The following TRAM1 variants were observed in gnomAD, a reference collection of about 807,000 sequenced individuals.
TRAM1 encodes translocation associated membrane protein 1.
In TRAM1, 17 loss-of-function variants were observed where a neutral mutation model predicts 48.7. The observed-to-expected ratio is 0.35, with a 90% CI of 0.24 to 0.52. The LOEUF (loss-of-function observed/expected upper bound fraction) is 0.52. Among genes scored for constraint, TRAM1 ranks in the 20% least tolerant of loss-of-function variants. TRAM1 has a pLI of 0.94. For synonymous variants in TRAM1, 182 were observed against 154.0 expected (o/e 1.18, Z -1.34); for missense variants, 351 against 441.5 (o/e 0.79, Z 1.84).
chr8:70,580,919 A>C (rs1026811823), intron 10 of TRAM1, among the ~76,000 whole-genome samples: 1 of 152,242 alleles, frequency 6.6e-6, no homozygotes, highest in African/African-American at 2.4e-5. Context: ...AAATAGGATT[A>C]AATTTAATGA....
chr8:70,599,907 G>T, intron 2 of TRAM1, 112 bp downstream of exon 2: 1 of 780,232 alleles, frequency 1.3e-6, no homozygotes, highest in Non-Finnish European at 2.2e-6. Context: ...GTCACATCAT[G>T]GATGAGATCT....
chr8:70,576,360 G>A (rs527597751), intron 10 of TRAM1, among the ~76,000 whole-genome samples: 2 of 152,258 alleles, frequency 1.3e-5, no homozygotes, highest in East Asian at 3.9e-4. Flanking sequence ...TTGACTGATG[G>A]AAGGAAAGAT....
At chr8:70,606,411 G>A (rs1483510630) in intron 1 of TRAM1, among the ~76,000 whole-genome samples, 1 of 152,170 alleles carries the variant, frequency 6.6e-6, no homozygotes, top group South Asian at 2.1e-4. Context: ...GCCTAGGCTG[G>A]TCTCGAACTC....
Position 70,574,670 on chromosome 8 carries a change from C to T in TRAM1, c.*262G>A, listed in dbSNP as rs2132019448. 1 of 281,528 alleles carries T rather than the reference C, an allele frequency of 3.6e-6. No individual in the cohort carries two copies. Among genetic ancestry groups the T allele is most frequent in the East Asian group, 8.6e-5 (1 of 11,692 alleles). 17.4% of individuals were successfully genotyped at this position (281,528 alleles called of 1,614,324 possible). A position where few individuals can be genotyped will look rare whatever the true frequency, so the allele number is the denominator to read the frequency against. On this transcript the variant is annotated 3_prime_UTR_variant, in exon 11 of 11. Coordinates refer to ENST00000262213, the MANE Select transcript of TRAM1 (RefSeq NM_014294.6). Reference sequence around the variant, plus strand: ...CTCTCCAAATCATTAGAAAAATGTTCAAAAATAAAAACAAAATAAAATATG... The same window carrying T: ...CTCTCCAAATCATTAGAAAAATGTTTAAAAATAAAAACAAAATAAAATATG...
intron 1 of TRAM1, among the ~76,000 whole-genome samples, chr8:70,600,904 CAG>C (rs931458160): frequency 5.3e-5 from 8 of 152,102 alleles, no homozygotes; most frequent in African/African-American, 1.9e-4. Flanking sequence ...ATAGAAGAAA[CAG>C]AGCGTGGCAA....
At chr8:70,607,773 A>C in intron 1 of TRAM1, 1 of 205,440 alleles carries the variant, frequency 4.9e-6, no homozygotes. Flanking sequence ...GGAACCAGGA[A>C]CTGCGCCGCG....
rs1049289251 is a variant in TRAM1, at chr8:70,602,463, G to A, written c.124-2381C>T. ...GACAGGGAACAAAATTGTAAGGACT[G>A]AGTATTGCACTCTTGAACAACTTTT... is the stretch of plus-strand genomic sequence containing the variant. On this transcript the variant is annotated intron_variant, in intron 1 of 10. Coordinates refer to ENST00000262213, the MANE Select transcript of TRAM1 (RefSeq NM_014294.6). Among the ~76,000 whole-genome samples, 6 of 152,188 alleles carry A rather than the reference G, an allele frequency of 3.9e-5. No individual in the cohort carries two copies. In the South Asian group the frequency reaches 1.2e-3, roughly 32 times the overall value.
intron 6 of TRAM1, among the ~76,000 whole-genome samples, chr8:70,593,597 A>C (rs78457621): frequency 3.5e-5 from 2 of 57,296 alleles, no homozygotes; most frequent in African/African-American, 5.5e-5. Context: ...TATGAGAATT[A>C]AAAAAAAAAA....
intron 6 of TRAM1, among the ~76,000 whole-genome samples, chr8:70,593,117 G>A (rs1326213907): frequency 6.6e-6 from 1 of 152,002 alleles, no homozygotes; most frequent in Admixed American, 6.6e-5. Flanking sequence ...CAATATAGCT[G>A]GAGAAACAAT....
intron 5 of TRAM1, 130 bp downstream of exon 5, chr8:70,596,133 G>C: frequency 1.6e-6 from 1 of 627,594 alleles, no homozygotes; most frequent in Non-Finnish European, 2.5e-6. Flanking sequence ...CAGTGGGACT[G>C]TCAAAGACAT....
chr8:70,584,255 C>T (rs1216633162), intron 8 of TRAM1, among the ~76,000 whole-genome samples: 1 of 152,000 alleles, frequency 6.6e-6, no homozygotes, highest in African/African-American at 2.4e-5. Context: ...ATTAATATTC[C>T]TCAGAACTAC....
chr8:70,576,283 G>T (rs1816951681), intron 10 of TRAM1, among the ~76,000 whole-genome samples: 1 of 151,942 alleles, frequency 6.6e-6, no homozygotes. Flanking sequence ...GAAAAGGAAA[G>T]AATAGAAATC....
intron 4 of TRAM1, among the ~76,000 whole-genome samples, chr8:70,597,668 CAAAAAAAAA>C (rs35449323): frequency 8.3e-5 from 3 of 36,008 alleles, no homozygotes; most frequent in East Asian, 2.0e-3. Context: ...GACTCTGTCT[CAAAAAAAAA>C]AAAAAAAAAA....
At position 70,596,332 on chromosome 8, in the gene TRAM1, A is replaced by G; in HGVS notation, c.427-11T>C. 6.3e-7 allele frequency: 1 copy of G among 1,587,484 alleles called. No individual in the cohort carries two copies. Among genetic ancestry groups the G allele is most frequent in the Non-Finnish European group, 8.6e-7 (1 of 1,167,978 alleles). On this transcript the variant is annotated splice_polypyrimidine_tract_variant and intron_variant, in intron 4 of 10. Coordinates refer to ENST00000262213, the MANE Select transcript of TRAM1 (RefSeq NM_014294.6). ...TGAGATGTAGTTTTCCTAAGAAAGA[A>G]GATATAAAAATTAACCTGTGAGCAT...
Position 70,608,331 on chromosome 8 carries a change from T to G in TRAM1, c.-132A>C, listed in dbSNP as rs1586770918. The G allele has an allele frequency of 1.0e-5, 12 of 1,175,906 alleles. No individual in the cohort carries two copies. In the South Asian group the frequency reaches 1.2e-4, roughly 12 times the overall value. The allele number at this position is 1,175,906 out of a possible 1,614,324, so 72.8% of individuals were successfully genotyped here. On this transcript the variant is annotated 5_prime_UTR_variant, in exon 1 of 11. Coordinates refer to ENST00000262213, the MANE Select transcript of TRAM1 (RefSeq NM_014294.6). ...TGCAGCCGCTCGCTGGGGCTTCACT[T>G]CCCATCCCACAGCCAGTACGCAGCC... is the stretch of plus-strand genomic sequence containing the variant.
chr8:70,582,720 A>AAC, intron 10 of TRAM1, among the ~76,000 whole-genome samples: 1 of 152,208 alleles, frequency 6.6e-6, no homozygotes, highest in Non-Finnish European at 1.5e-5. Flanking sequence ...AAAGAGGTTA[A>AAC]ATGAAGGCTT....
At chr8:70,600,210 C>T in intron 1 of TRAM1, 128 bp from the exon 2 acceptor site, 1 of 664,872 alleles carries the variant, frequency 1.5e-6, no homozygotes, top group Non-Finnish European at 2.6e-6. Flanking sequence ...CCTGTGGAAT[C>T]CTGACAGACA....
chr8:70,592,270 C>G (rs1210099394), intron 6 of TRAM1, among the ~76,000 whole-genome samples: 1 of 152,186 alleles, frequency 6.6e-6, no homozygotes, highest in Admixed American at 6.5e-5. Context: ...TTGTGACTAA[C>G]ACACCTCTTG....
chr8:70,583,629 A>T lies in TRAM1; in HGVS notation c.890+21T>A, dbSNP rs775029100. 1.9e-6 allele frequency: 3 copies of T among 1,602,834 alleles called. No individual in the cohort carries two copies. The South Asian group carries it at 3.4e-5, about 18-fold the overall frequency. ...TATTATCTAGCTGTATAAAGTGAAA[A>T]AAATGTTAAATTGATCGTACCTAAC... On this transcript the variant is annotated intron_variant, in intron 9 of 10. Coordinates refer to ENST00000262213, the MANE Select transcript of TRAM1 (RefSeq NM_014294.6).
Sources: allele counts gnomAD v4.1 joint callset (sites outside exome capture counted in the v4.1 genomes callset), GRCh38; gene constraint gnomAD v4.1.1; transcripts MANE v1.5; gene names NCBI Gene and HGNC (gene_info 2026-07-23, HGNC 2026-07-21).